OTOGL: variants seen among roughly 807,000 people sequenced by gnomAD.
OTOGL encodes otogelin-like protein.
A neutral mutation model predicts 318.5 loss-of-function variants in OTOGL; 285 were observed. The observed-to-expected ratio is 0.89, with a 90% confidence interval of 0.81 to 0.99. The LOEUF (loss-of-function observed/expected upper bound fraction) is 0.99. OTOGL is among the 50% of genes least tolerant of loss of function. OTOGL has a pLI of 0.00. For missense variants in OTOGL, 2,899 were observed against 2,845.6 expected, an observed-to-expected ratio of 1.02 and a Z score of -0.43; for synonymous variants, 987 against 936.5, an observed-to-expected ratio of 1.05 and a Z score of -0.99.
intron 9 of OTOGL, among the ~76,000 whole-genome samples, chr12:80,238,113 G>A (rs1033926011): frequency 5.9e-5 from 9 of 152,190 alleles, no homozygotes; most frequent in African/African-American, 2.2e-4. Flanking sequence ...TTAGAACAGA[G>A]AGCACTCTGT....
intron 1 of OTOGL, among the ~76,000 whole-genome samples, chr12:80,204,516 A>G (rs1324562549): frequency 6.6e-6 from 1 of 152,196 alleles, no homozygotes; most frequent in Non-Finnish European, 1.5e-5. Context: ...GTTTGTTTGT[A>G]AGTAAGCTAA....
At chr12:80,181,371 A>G (rs563118265) in intron 1 of OTOGL, among the ~76,000 whole-genome samples, 8 of 151,778 alleles carry the variant, frequency 5.3e-5, no homozygotes, top group African/African-American at 1.7e-4. Flanking sequence ...ATTACCTTAC[A>G]GCAGACTGGC....
At chr12:80,162,524 A>G (rs925390684) in intron 1 of OTOGL, among the ~76,000 whole-genome samples, 4 of 152,122 alleles carry the variant, frequency 2.6e-5, no homozygotes, top group Admixed American at 2.6e-4. Context: ...TTTGGAGGCT[A>G]GAAGCTTGAA....
chr12:80,204,171 A>C (rs941488483), intron 1 of OTOGL, among the ~76,000 whole-genome samples: 1 of 152,152 alleles, frequency 6.6e-6, no homozygotes, highest in African/African-American at 2.4e-5. Flanking sequence ...TTTGACTCTC[A>C]ATTCAAACGA....
rs1213149485 is a variant in OTOGL at position 80,233,179 on chromosome 12, T to C, written c.817+82T>C. On this transcript the variant is annotated intron_variant, in intron 9 of 58. Coordinates refer to ENST00000547103, the MANE Select transcript of OTOGL (RefSeq NM_001378609.3). ...CCAAGTTGTTTGTACCCAGAAGACT[T>C]GTCATAGCTTTGGGAAAATTTGTGG... 8 of 1,286,266 alleles carry C rather than the reference T, an allele frequency of 6.2e-6. No homozygotes were observed. The South Asian group carries it at 9.4e-5, about 15-fold the overall frequency. The allele number at this position is 1,286,266 out of a possible 1,614,324, so 79.7% of individuals were successfully genotyped here.
chr12:80,252,818 C>T (rs1336123756), intron 13 of OTOGL, among the ~76,000 whole-genome samples: 1 of 152,154 alleles, frequency 6.6e-6, no homozygotes, highest in Non-Finnish European at 1.5e-5. Flanking sequence ...TAGTGCTACT[C>T]AAAGTATGGC....
intron 26 of OTOGL, 81 bp downstream of exon 26, chr12:80,279,247 C>A: frequency 7.7e-7 from 1 of 1,296,850 alleles, no homozygotes; most frequent in Non-Finnish European, 1.1e-6. Context: ...CCTGATATAT[C>A]AAATTCATGT....
intron 14 of OTOGL, 48 bp from the exon 15 acceptor site, chr12:80,254,476 T>C (rs780879690): frequency 1.3e-6 from 2 of 1,483,292 alleles, no homozygotes; most frequent in Non-Finnish European, 1.9e-6. Context: ...CAAACATTAA[T>C]ACAGTTTCTC....
intron 47 of OTOGL, among the ~76,000 whole-genome samples, 161 bp downstream of exon 47, chr12:80,356,109 C>T (rs1473995573): frequency 1.3e-5 from 2 of 152,142 alleles, no homozygotes; most frequent in African/African-American, 2.4e-5. Context: ...GTTGAATACA[C>T]ATGAAAAACT....
chr12:80,219,493 G>A (rs148727553), intron 5 of OTOGL, among the ~76,000 whole-genome samples: 1 of 152,204 alleles, frequency 6.6e-6, no homozygotes, highest in East Asian at 1.9e-4. Flanking sequence ...TCTGCAGCTT[G>A]TGTATTTCTG....
intron 7 of OTOGL, among the ~76,000 whole-genome samples, chr12:80,227,098 TGGGG>T (rs1300629304): frequency 6.6e-6 from 1 of 152,138 alleles, no homozygotes; most frequent in African/African-American, 2.4e-5. Flanking sequence ...ATTGGAGCTC[TGGGG>T]TGGAGTGATC....
chr12:80,122,089 A>C (rs1218477986), intron 1 of OTOGL, among the ~76,000 whole-genome samples: 1 of 152,174 alleles, frequency 6.6e-6, no homozygotes, highest in Non-Finnish European at 1.5e-5. Context: ...ATTAAGAAAA[A>C]TACCACAAAA....
chr12:80,266,712 T>C (rs1883003891), intron 21 of OTOGL, 96 bp downstream of exon 21: 2 of 1,258,258 alleles, frequency 1.6e-6, no homozygotes, highest in African/African-American at 3.1e-5. Context: ...AAAAAAATAT[T>C]TCTTATTGTC....
Position 80,310,633 on chromosome 12 carries a change from T to C in OTOGL, c.3356T>C (p.Ile1119Thr), listed in dbSNP as rs150426222. Residue 1119 changes from isoleucine to threonine, a missense_variant, in exon 30 of 59, where the codon ATT becomes ACT. By Grantham distance (89) the Ile-to-Thr change is moderately conservative. Around this residue, in one of 3 missense-constraint regions of OTOGL, gnomAD observed 2,607 missense variants for 2,524.9 expected, o/e 1.03. Coordinates refer to ENST00000547103, the MANE Select transcript of OTOGL (RefSeq NM_001378609.3). ...CAGTGTGAAAGTCCAGATGAAACAA[T>C]TAAACCCTGTGAGGCACATCAAAAC... ...LGQCESPDET[I>T]KPCEAHQNKF... 1,365 of 1,593,052 alleles carry C rather than the reference T, an allele frequency of 8.6e-4. 6 individuals carry two copies. Among genetic ancestry groups the C allele is most frequent in the Middle Eastern group, 8.4e-3 (51 of 6,046 alleles).
At chr12:80,224,074 G>C (rs917061908) in intron 7 of OTOGL, among the ~76,000 whole-genome samples, 3 of 152,150 alleles carry the variant, frequency 2.0e-5, no homozygotes, top group Non-Finnish European at 4.4e-5. Flanking sequence ...CTAGATTTAA[G>C]TATTTTATCC....
chr12:80,270,177 C>T (rs1298210597), intron 23 of OTOGL, 23 bp downstream of exon 23: 5 of 1,571,196 alleles, frequency 3.2e-6, no homozygotes, highest in South Asian at 1.1e-5. Flanking sequence ...AAGATGTTTT[C>T]CTGAATGAGG....
At chr12:80,266,932 G>A (rs1883024175) in intron 21 of OTOGL, among the ~76,000 whole-genome samples, 1 of 152,038 alleles carries the variant, frequency 6.6e-6, no homozygotes, top group African/African-American at 2.4e-5. Context: ...ATTTACACAC[G>A]AAGTAAAGCC....
chr12:80,330,751 T>C (rs985614746), intron 37 of OTOGL, among the ~76,000 whole-genome samples: 2 of 152,240 alleles, frequency 1.3e-5, no homozygotes, highest in African/African-American at 4.8e-5. Flanking sequence ...TACTGAAACC[T>C]ATTAGCAATA....
At chr12:80,187,375 A>C (rs755367943) in intron 1 of OTOGL, among the ~76,000 whole-genome samples, 6 of 152,114 alleles carry the variant, frequency 3.9e-5, no homozygotes, top group Non-Finnish European at 7.3e-5. Context: ...ATCTGTGGCC[A>C]TACCTGAGCC....
Sources: gnomAD v4.1 joint callset for allele counts (sites outside exome capture counted in the v4.1 genomes callset) on GRCh38, gnomAD v4.1.1 for gene constraint, gnomAD v4.1.1 regional missense constraint, MANE v1.5 for transcripts, NCBI Gene and HGNC (gene_info 2026-07-23, HGNC 2026-07-21) for gene names.